The following OSBPL8 variants were observed in gnomAD, a reference collection of about 807,000 sequenced individuals.
The protein encoded by OSBPL8 is oxysterol binding protein like 8.
OSBPL8 carries 59 observed loss-of-function variants against 125.5 expected under a neutral mutation model. The ratio of observed to expected loss-of-function variants is 0.47; its 90% confidence interval spans 0.38 to 0.58. The LOEUF (loss-of-function observed/expected upper bound fraction) is 0.58, where lower values mean the gene tolerates loss of function less well. Among genes scored for constraint, OSBPL8 ranks in the 20% least tolerant of loss-of-function variants. OSBPL8 has a pLI of 0.00. For synonymous variants in OSBPL8, 330 were observed against 338.9 expected (o/e 0.97, Z 0.29); for missense variants, 758 against 1,047.8 (o/e 0.72, Z 3.82).
At chr12:76,534,866 T>A (rs1308157587) in intron 1 of OSBPL8, among the ~76,000 whole-genome samples, 2 of 152,072 alleles carry the variant, frequency 1.3e-5, no homozygotes, top group Non-Finnish European at 1.5e-5. Flanking sequence ...AGTCAATTAA[T>A]TTTCAACAAA....
intron 2 of OSBPL8, among the ~76,000 whole-genome samples, chr12:76,487,279 T>A (rs1279935891): frequency 6.6e-6 from 1 of 151,914 alleles, no homozygotes; most frequent in Non-Finnish European, 1.5e-5. Context: ...AATCCACCCA[T>A]CTCGGCCTCC....
chr12:76,461,499 G>A (rs1269754643), intron 2 of OSBPL8, among the ~76,000 whole-genome samples: 2 of 152,142 alleles, frequency 1.3e-5, no homozygotes, highest in Admixed American at 6.5e-5. Flanking sequence ...TGCCCAGGCT[G>A]GAGTGCAGTG....
chr12:76,554,132 T>C (rs1951026286), intron 1 of OSBPL8, among the ~76,000 whole-genome samples: 1 of 152,188 alleles, frequency 6.6e-6, no homozygotes. Flanking sequence ...TTCTCTGAAA[T>C]TCCCCAGTGA....
rs899549519 is a variant in OSBPL8 at position 76,432,047 on chromosome 12, G to A, written c.217+18804C>T. Reference sequence around the variant, plus strand: ...TCAAGTATCTTTATCACAAAGGAACGAAACAGTAAGTAATCAAGTAAAAGT... The same window carrying A: ...TCAAGTATCTTTATCACAAAGGAACAAAACAGTAAGTAATCAAGTAAAAGT... On this transcript the variant is annotated intron_variant, in intron 4 of 23. Transcript: ENST00000261183. Among the ~76,000 whole-genome samples, 9 of 152,094 alleles carry A rather than the reference G, an allele frequency of 5.9e-5. 1 individual carries two copies. Among genetic ancestry groups the A allele is most frequent in the Admixed American group, 1.3e-4 (2 of 15,268 alleles).
intron 17 of OSBPL8, among the ~76,000 whole-genome samples, chr12:76,374,581 A>T (rs1181672013): frequency 6.6e-6 from 1 of 152,146 alleles, no homozygotes; most frequent in Non-Finnish European, 1.5e-5. Context: ...CTGTCAGGAA[A>T]TCAAGTCACA....
chr12:76,384,013 T>C (rs1168410882), intron 15 of OSBPL8, among the ~76,000 whole-genome samples: 1 of 152,212 alleles, frequency 6.6e-6, no homozygotes, highest in East Asian at 1.9e-4. Context: ...TAAAGGGCTA[T>C]AATGGGCAAT....
chr12:76,486,100 AT>A (rs1878102615), intron 2 of OSBPL8: 1 of 400,190 alleles, frequency 2.5e-6, no homozygotes, highest in South Asian at 1.9e-5. Flanking sequence ...TTCCACACCC[AT>A]TTTCTTCTCT....
chr12:76,374,635 C>T (rs1474337), intron 17 of OSBPL8, among the ~76,000 whole-genome samples: 92,567 of 151,886 alleles, frequency 0.61, 28,790 homozygotes, highest in East Asian at 0.9. Context: ...CAGTTCTAGT[C>T]CTTCGGTCAC....
chr12:76,558,808 T>C (rs1054725499), intron 1 of OSBPL8, among the ~76,000 whole-genome samples: 4 of 152,236 alleles, frequency 2.6e-5, no homozygotes, highest in Non-Finnish European at 1.5e-5. Flanking sequence ...CCTTGGAACC[T>C]GATTCCACTC....
intron 3 of OSBPL8, among the ~76,000 whole-genome samples, chr12:76,458,207 G>C (rs1244683329): frequency 6.6e-6 from 1 of 152,176 alleles, no homozygotes; most frequent in Non-Finnish European, 1.5e-5. Context: ...AGGAGAAGTT[G>C]TGGCTGCAGT....
At chr12:76,468,910 A>C (rs1875783252) in intron 2 of OSBPL8, among the ~76,000 whole-genome samples, 1 of 152,196 alleles carries the variant, frequency 6.6e-6, no homozygotes, top group South Asian at 2.1e-4. Context: ...GGCTAGTAAA[A>C]CTAAGGAAGA....
chr12:76,444,794 T>G lies in OSBPL8; in HGVS notation c.217+6057A>C, dbSNP rs117781118. Among the ~76,000 whole-genome samples the G allele has an allele frequency of 3.2e-4, 48 of 152,280 alleles. No individual in the cohort carries two copies. The East Asian group carries it at 6.8e-3, about 21-fold the overall frequency. Reference sequence around the variant, plus strand: ...CTGAAAGAGTGGAGTGAAATCTATATCTAAGCAAAGCTTCCAGGTGACTCA... The same window carrying G: ...CTGAAAGAGTGGAGTGAAATCTATAGCTAAGCAAAGCTTCCAGGTGACTCA... On this transcript the variant is annotated intron_variant, in intron 4 of 23. Coordinates refer to ENST00000261183, the MANE Select transcript of OSBPL8 (RefSeq NM_020841.5).
At chr12:76,382,401 C>T (rs1475967189) in intron 15 of OSBPL8, among the ~76,000 whole-genome samples, 1 of 151,944 alleles carries the variant, frequency 6.6e-6, no homozygotes, top group African/African-American at 2.4e-5. Flanking sequence ...GGTAGCACTA[C>T]TGACATTTAG....
In OSBPL8 at chr12:76,352,616, T is replaced by A. The variant is rs1951862556; in HGVS notation, c.*3273A>T. On this transcript the variant is annotated 3_prime_UTR_variant, in exon 24 of 24. Transcript: ENST00000261183. ...GGAAAATTTGATATAAATCTAATAT[T>A]TTATTTCTGTACATTTAATATGATT... 1 of 152,544 alleles carries A rather than the reference T, an allele frequency of 6.6e-6. No homozygotes were observed. The highest frequency in any genetic ancestry group is 2.4e-5 in the African/African-American group (1 of 41,468). 9.4% of individuals were successfully genotyped at this position (152,544 alleles called of 1,614,324 possible).
At chr12:76,405,545 C>T (rs1954224292) in intron 5 of OSBPL8, among the ~76,000 whole-genome samples, 1 of 152,110 alleles carries the variant, frequency 6.6e-6, no homozygotes, top group African/African-American at 2.4e-5. Context: ...CATAGGGGAC[C>T]AGCAGGTCAG....
chr12:76,527,776 A>G (rs1950219568), intron 1 of OSBPL8, among the ~76,000 whole-genome samples: 1 of 152,220 alleles, frequency 6.6e-6, no homozygotes, highest in Non-Finnish European at 1.5e-5. Context: ...CAAATATTTT[A>G]TAATGGACAG....
intron 2 of OSBPL8, among the ~76,000 whole-genome samples, chr12:76,460,976 G>A (rs541814061): frequency 1.3e-5 from 2 of 152,318 alleles, no homozygotes; most frequent in African/African-American, 4.8e-5. Flanking sequence ...CCTTCCCTAA[G>A]TGATGGCTTT....
At chr12:76,367,618 C>T (rs1321666323) in intron 21 of OSBPL8, among the ~76,000 whole-genome samples, 12 of 152,034 alleles carry the variant, frequency 7.9e-5, no homozygotes, top group Non-Finnish European at 1.2e-4. Flanking sequence ...ACGTCATATA[C>T]GTTTTTTGTT....
chr12:76,364,040 T>C (rs1332929127), intron 21 of OSBPL8, among the ~76,000 whole-genome samples: 1 of 152,206 alleles, frequency 6.6e-6, no homozygotes, highest in Admixed American at 6.5e-5. Context: ...GGAACACTTT[T>C]ACACTGTTGG....
Sources: gnomAD v4.1 joint callset for allele counts (sites outside exome capture counted in the v4.1 genomes callset) on GRCh38, gnomAD v4.1.1 for gene constraint, MANE v1.5 for transcripts, NCBI Gene and HGNC (gene_info 2026-07-23, HGNC 2026-07-21) for gene names.